Variants in ZMYM2 observed in about 807,000 individuals in gnomAD.
The protein encoded by ZMYM2 is zinc finger MYM-type containing 2, also known as zinc finger MYM-type protein 2.
Under a neutral mutation model 162.8 loss-of-function variants are expected in ZMYM2, and 56 were observed. The ratio of observed to expected loss-of-function variants is 0.34; its 90% CI spans 0.28 to 0.43. The LOEUF is 0.43. Among genes scored for constraint, ZMYM2 ranks in the 20% least tolerant of loss-of-function variants. ZMYM2 has a pLI of 1.00. For missense variants in ZMYM2, 1,275 were observed against 1,621.8 expected, an observed-to-expected ratio of 0.79 and a Z score of 3.67; for synonymous variants, 510 against 541.6, an observed-to-expected ratio of 0.94 and a Z score of 0.81.
chr13:19,923,590 C>T, the ZMYM2 span, among the ~76,000 whole-genome samples: 1 of 148,670 alleles, frequency 6.7e-6, no homozygotes, highest in African/African-American at 2.5e-5. Context: ...AATTCCTGGG[C>T]TTAAGCGATC....
chr13:19,942,733 G>A, the ZMYM2 span, among the ~76,000 whole-genome samples: 884 of 151,922 alleles, frequency 5.8e-3, 4 homozygotes, highest in Non-Finnish European at 8.9e-3. Flanking sequence ...TCAATAAAAA[G>A]TAATTTTTGA....
At chr13:19,951,527 TAAAAAAAAAAA>T in the ZMYM2 span, among the ~76,000 whole-genome samples, 1 of 76,408 alleles carries the variant, frequency 1.3e-5, no homozygotes, top group Admixed American at 2.0e-4. Context: ...CCATCTCTAC[TAAAAAAAAAAA>T]AAAAAAAAAA....
the ZMYM2 span, among the ~76,000 whole-genome samples, chr13:19,874,571 C>T: frequency 2.0e-5 from 3 of 152,162 alleles, no homozygotes; most frequent in Non-Finnish European, 4.4e-5. Flanking sequence ...TTGCTTTCTC[C>T]TCTTCTGGAT....
At position 20,081,941 on chromosome 13, in the gene ZMYM2, C is replaced by T. The variant is rs1445334937; in HGVS notation, c.3454-75C>T. The T allele has an allele frequency of 9.5e-5, 79 of 835,962 alleles. No homozygotes were observed. The East Asian group carries it at 2.2e-3, about 24-fold the overall frequency. The allele number at this position is 835,962 out of a possible 1,614,324, so 51.8% of individuals were successfully genotyped here. A position where few individuals can be genotyped will look rare whatever the true frequency, so the allele number is the denominator to read the frequency against. On this transcript the variant is annotated intron_variant, in intron 21 of 24. Coordinates refer to ENST00000610343, the MANE Select transcript of ZMYM2 (RefSeq NM_197968.4). Reference sequence around the variant, plus strand: ...AGCTTTATTTTTTTCTTAAGAAATACGGAGTGTAATATGTTTACTATAATT... The same window carrying T: ...AGCTTTATTTTTTTCTTAAGAAATATGGAGTGTAATATGTTTACTATAATT...
the ZMYM2 span, among the ~76,000 whole-genome samples, chr13:19,882,001 A>T: frequency 8.1e-6 from 1 of 124,108 alleles, no homozygotes; most frequent in Non-Finnish European, 1.8e-5. Context: ...AAAAAAAAAA[A>T]ATTTGTATAT....
intron 2 of ZMYM2, among the ~76,000 whole-genome samples, chr13:19,974,303 A>G (rs778617092): frequency 1.4e-4 from 21 of 152,064 alleles, no homozygotes; most frequent in Non-Finnish European, 2.2e-4. Flanking sequence ...TTTACACTTA[A>G]TTTATATTTG....
At chr13:19,937,187 C>T in the ZMYM2 span, among the ~76,000 whole-genome samples, 1 of 150,414 alleles carries the variant, frequency 6.6e-6, no homozygotes, top group African/African-American at 2.4e-5. Context: ...TTGTTCTTGT[C>T]GCCCAGGCTG....
At chr13:19,973,689 A>AAAC (rs568905117) in intron 2 of ZMYM2, among the ~76,000 whole-genome samples, 10 of 142,574 alleles carry the variant, frequency 7.0e-5, no homozygotes, top group African/African-American at 1.3e-4. Flanking sequence ...AAAAAAAAAA[A>AAAC]CACCAAAAAA....
the ZMYM2 span, among the ~76,000 whole-genome samples, chr13:19,885,394 C>T: frequency 7.1e-4 from 108 of 152,260 alleles, 1 homozygote; most frequent in African/African-American, 2.3e-3. Flanking sequence ...GTGCACTGTC[C>T]CATCTTTCTT....
intron 6 of ZMYM2, 67 bp from the exon 7 acceptor site, chr13:20,019,480 A>AT (rs1202462351): frequency 2.2e-6 from 3 of 1,350,794 alleles, no homozygotes; most frequent in Non-Finnish European, 3.0e-6. Context: ...CATAATGCTT[A>AT]TTTACCTTTC....
the ZMYM2 span, among the ~76,000 whole-genome samples, chr13:19,900,339 C>T: frequency 3.3e-5 from 5 of 151,838 alleles, no homozygotes; most frequent in Admixed American, 6.6e-5. Flanking sequence ...AATAGATAAC[C>T]GATATAAAAT....
chr13:20,059,658 C>T lies in ZMYM2; in HGVS notation c.2739+96C>T, dbSNP rs1243872962. On this transcript the variant is annotated intron_variant, in intron 16 of 24. Coordinates refer to ENST00000610343, the MANE Select transcript of ZMYM2 (RefSeq NM_197968.4). The stretch of plus-strand genomic sequence containing the variant: ...GACCCTTGAACAACAAGAGTTTGAA[C>T]TCCATGCATCCACATATGTGGATGA... 8.7e-6 allele frequency: 6 copies of T among 693,492 alleles called. No homozygotes were observed. In the East Asian group the frequency reaches 1.3e-4, roughly 15 times the overall value. The allele number at this position is 693,492 out of a possible 1,614,324, so 43.0% of individuals were successfully genotyped here. A position where few individuals can be genotyped will look rare whatever the true frequency, so the allele number is the denominator to read the frequency against.
At chr13:20,036,112 A>G (rs893569162) in intron 11 of ZMYM2, among the ~76,000 whole-genome samples, 4 of 152,166 alleles carry the variant, frequency 2.6e-5, no homozygotes, top group South Asian at 2.1e-4. Context: ...ATAGCACAGT[A>G]TAAGTATAGA....
At chr13:19,978,449 T>C (rs1381127337) in intron 2 of ZMYM2, among the ~76,000 whole-genome samples, 4 of 151,614 alleles carry the variant, frequency 2.6e-5, no homozygotes, top group Non-Finnish European at 4.4e-5. Context: ...GAAGTTTTGC[T>C]CTTGTTGCCC....
chr13:20,021,369 T>C (rs1161136792), intron 7 of ZMYM2, among the ~76,000 whole-genome samples: 29 of 7,134 alleles, frequency 4.1e-3, no homozygotes, highest in Admixed American at 0.014. Flanking sequence ...TTTTCCTGCT[T>C]TTTTTTTTTT....
intron 3 of ZMYM2, among the ~76,000 whole-genome samples, chr13:19,998,942 C>G (rs1950202806): frequency 6.6e-6 from 1 of 151,960 alleles, no homozygotes; most frequent in African/African-American, 2.4e-5. Flanking sequence ...TATGAGAGAC[C>G]AGAGTAGTAG....
At chr13:20,020,608 C>A (rs566815107) in intron 7 of ZMYM2, among the ~76,000 whole-genome samples, 1 of 152,172 alleles carries the variant, frequency 6.6e-6, no homozygotes, top group African/African-American at 2.4e-5. Flanking sequence ...CTGCCACTTT[C>A]CCACAGTCAC....
intron 17 of ZMYM2, among the ~76,000 whole-genome samples, chr13:20,061,483 A>G (rs1226090821): frequency 2.0e-5 from 3 of 152,166 alleles, no homozygotes; most frequent in African/African-American, 2.4e-5. Flanking sequence ...ACTCAAAATT[A>G]TTCTTGTTAA....
At chr13:20,062,773 T>A in intron 17 of ZMYM2, 73 bp from the exon 18 acceptor site, 1 of 1,391,780 alleles carries the variant, frequency 7.2e-7, no homozygotes, top group African/African-American at 1.5e-5. Flanking sequence ...ATGACTTGCT[T>A]TTGCCAGATT....
Sources: gnomAD v4.1 joint callset for allele counts (sites outside exome capture counted in the v4.1 genomes callset) on GRCh38, gnomAD v4.1.1 for gene constraint, MANE v1.5 for transcripts, NCBI Gene and HGNC (gene_info 2026-07-23, HGNC 2026-07-21) for gene names.